Variants in SPATA6 observed in about 807,000 individuals in gnomAD.
SPATA6 encodes the protein spermatogenesis associated 6.
A neutral mutation model predicts 65.3 loss-of-function variants in SPATA6; 56 were observed. The observed-to-expected ratio is 0.86, with a 90% CI of 0.69 to 1.07. The LOEUF (loss-of-function observed/expected upper bound fraction) is 1.07, where lower values mean the gene tolerates loss of function less well. Ranked by LOEUF, SPATA6 falls within the 50% of genes least tolerant of loss-of-function variation. SPATA6 has a pLI of 0.00. For missense variants in SPATA6, 590 were observed against 594.8 expected (o/e 0.99, Z 0.08); for synonymous variants, 199 against 213.2 (o/e 0.93, Z 0.58).
chr1:48,320,914 GTTTA>G (rs1372369153), intron 11 of SPATA6, among the ~76,000 whole-genome samples: 1 of 152,112 alleles, frequency 6.6e-6, no homozygotes, highest in Non-Finnish European at 1.5e-5. Flanking sequence ...CTTTTTGCTT[GTTTA>G]TTTAAGCAAT....
At position 48,395,402 on chromosome 1, in the gene SPATA6, G is replaced by A. The variant is rs766675478; in HGVS notation, c.781-48C>T. On this transcript the variant is annotated intron_variant, in intron 7 of 12. Coordinates refer to ENST00000371847, the MANE Select transcript of SPATA6 (RefSeq NM_019073.4). ...GTAAAAGAGAGTTTAAACATTCCTAGACTTTCAATCTCATGGTACCAGAAA... is the reference window on the plus strand; with the variant it reads ...GTAAAAGAGAGTTTAAACATTCCTAAACTTTCAATCTCATGGTACCAGAAA... 30 of 1,362,884 alleles carry A rather than the reference G, an allele frequency of 2.2e-5. No individual in the cohort carries two copies. In the South Asian group the frequency reaches 5.0e-4, roughly 23 times the overall value. 84.4% of individuals were successfully genotyped at this position (1,362,884 alleles called of 1,614,324 possible).
At chr1:48,350,369 C>T (rs1177631512) in intron 11 of SPATA6, among the ~76,000 whole-genome samples, 1 of 149,930 alleles carries the variant, frequency 6.7e-6, no homozygotes, top group Non-Finnish European at 1.5e-5. Context: ...ATATTTTCAT[C>T]CAACTTGTGG....
At position 48,296,052 on chromosome 1, in the gene SPATA6, C is replaced by T. The variant is rs1290513599; in HGVS notation, c.*2661G>A. 6.6e-6 allele frequency: 1 copy of T among 151,250 alleles called. No homozygotes were observed. The highest frequency in any genetic ancestry group is 1.5e-5 in the Non-Finnish European group (1 of 67,834). 9.4% of individuals were successfully genotyped at this position (151,250 alleles called of 1,614,324 possible). A position where few individuals can be genotyped will look rare whatever the true frequency, so the allele number is the denominator to read the frequency against. On this transcript the variant is annotated 3_prime_UTR_variant, in exon 13 of 13. Transcript: ENST00000371847. ...TCGATTTTGACATTTTTCTAAATCC[C>T]AAGGTTTTTTATGATTTAAAGAAAA...
chr1:48,381,200 G>C (rs147871884), intron 9 of SPATA6, among the ~76,000 whole-genome samples: 1 of 152,142 alleles, frequency 6.6e-6, no homozygotes, highest in South Asian at 2.1e-4. Context: ...ACAACTACTC[G>C]TCTGTGGCCT....
chr1:48,311,653 A>G (rs1387461326), intron 11 of SPATA6, among the ~76,000 whole-genome samples: 1 of 152,190 alleles, frequency 6.6e-6, no homozygotes, highest in African/African-American at 2.4e-5. Context: ...GACACAGAAG[A>G]CAAATGATTT....
At chr1:48,287,351 A>G in the SPATA6 span, among the ~76,000 whole-genome samples, 3 of 152,202 alleles carry the variant, frequency 2.0e-5, no homozygotes, top group African/African-American at 4.8e-5. Context: ...CACTTCCAAC[A>G]TTGGGGGTTA....
chr1:48,288,797 G>A, the SPATA6 span, among the ~76,000 whole-genome samples: 8 of 152,222 alleles, frequency 5.3e-5, no homozygotes, highest in South Asian at 1.0e-3. Flanking sequence ...AAGGCTGGGG[G>A]AGGGGCGCCC....
At chr1:48,350,488 C>A (rs1169884649) in intron 11 of SPATA6, among the ~76,000 whole-genome samples, 1 of 151,210 alleles carries the variant, frequency 6.6e-6, no homozygotes, top group East Asian at 1.9e-4. Context: ...AAACTCATTG[C>A]CGAAATTAAA....
chr1:48,325,193 T>C, intron 11 of SPATA6: 1 of 692,034 alleles, frequency 1.4e-6, no homozygotes, highest in East Asian at 2.5e-5. Flanking sequence ...TGGTGCAGGG[T>C]TCGTGTTCAC....
At chr1:48,304,652 T>G (rs1231211573) in intron 12 of SPATA6, among the ~76,000 whole-genome samples, 1 of 152,124 alleles carries the variant, frequency 6.6e-6, no homozygotes, top group East Asian at 1.9e-4. Flanking sequence ...CCCCATGATA[T>G]CTCTTAAAAT....
the SPATA6 span, among the ~76,000 whole-genome samples, chr1:48,267,679 C>T: frequency 3.3e-5 from 5 of 151,332 alleles, no homozygotes; most frequent in African/African-American, 7.3e-5. Flanking sequence ...GATATCCAGC[C>T]GCCTGTGTGT....
chr1:48,413,295 C>CTTTTT, intron 3 of SPATA6, 144 bp from the exon 4 acceptor site: 1 of 186,888 alleles, frequency 5.4e-6, no homozygotes, highest in Non-Finnish European at 1.1e-5. Flanking sequence ...ATGTACACTT[C>CTTTTT]TTTTTTTTTT....
chr1:48,379,773 T>A (rs529946151), intron 9 of SPATA6, among the ~76,000 whole-genome samples: 1 of 152,332 alleles, frequency 6.6e-6, no homozygotes, highest in South Asian at 2.1e-4. Context: ...TTTATTTATT[T>A]ATCATGGTGA....
chr1:48,455,662 G>A (rs1252028116), intron 1 of SPATA6, among the ~76,000 whole-genome samples: 1 of 152,138 alleles, frequency 6.6e-6, no homozygotes, highest in Non-Finnish European at 1.5e-5. Context: ...TTACAGGCAT[G>A]AGCCACCGCA....
chr1:48,421,117 G>A (rs1653289756), intron 3 of SPATA6, among the ~76,000 whole-genome samples: 1 of 152,090 alleles, frequency 6.6e-6, no homozygotes, highest in African/African-American at 2.4e-5. Context: ...ACTAATGCTG[G>A]TGATCTATTG....
chr1:48,410,544 T>G (rs750442391), intron 5 of SPATA6, among the ~76,000 whole-genome samples: 1 of 152,202 alleles, frequency 6.6e-6, no homozygotes. Context: ...ATTAATCCAT[T>G]GTCATATTGC....
At chr1:48,313,125 A>T (rs904395102) in intron 11 of SPATA6, among the ~76,000 whole-genome samples, 2 of 152,228 alleles carry the variant, frequency 1.3e-5, no homozygotes, top group African/African-American at 4.8e-5. Context: ...ACTCCACAGG[A>T]TATTTTCCAG....
At chr1:48,365,411 T>C (rs1190676289) in intron 9 of SPATA6, among the ~76,000 whole-genome samples, 2 of 152,194 alleles carry the variant, frequency 1.3e-5, no homozygotes, top group African/African-American at 4.8e-5. Context: ...TTTCACGATA[T>C]TGATTCTTCC....
At chr1:48,436,903 G>T in intron 3 of SPATA6, 2 of 1,613,490 alleles carry the variant, frequency 1.2e-6, no homozygotes, top group Non-Finnish European at 1.7e-6. Flanking sequence ...CTCTGGAATT[G>T]GAGAAAGTGT....
Sources: allele counts gnomAD v4.1 joint callset (sites outside exome capture counted in the v4.1 genomes callset), GRCh38; gene constraint gnomAD v4.1.1; transcripts MANE v1.5; gene names NCBI Gene and HGNC (gene_info 2026-07-23, HGNC 2026-07-21).